FRMD6: variants seen among roughly 807,000 people sequenced by gnomAD.
FRMD6 encodes the protein FERM domain-containing protein 6.
Under a neutral mutation model 73.2 loss-of-function variants are expected in FRMD6, and 37 were observed. The ratio of observed to expected loss-of-function variants is 0.51; its 90% CI spans 0.39 to 0.66. The LOEUF (loss-of-function observed/expected upper bound fraction) is 0.66, where lower values mean the gene tolerates loss of function less well. Among genes scored for constraint, FRMD6 ranks in the 30% least tolerant of loss-of-function variants. The pLI, the probability that FRMD6 is intolerant of heterozygous loss-of-function variation, is 0.00. For synonymous variants in FRMD6, 273 were observed against 282.2 expected (o/e 0.97, Z 0.33); for missense variants, 714 against 780.5 (o/e 0.91, Z 1.02).
intron 1 of FRMD6, among the ~76,000 whole-genome samples, chr14:51,551,229 C>CAAG (rs1886812166): frequency 6.6e-6 from 1 of 152,214 alleles, no homozygotes; most frequent in African/African-American, 2.4e-5. Flanking sequence ...AAGGTTTATT[C>CAAG]TTGGGGCACT....
At chr14:51,434,244 T>C in the FRMD6 span, among the ~76,000 whole-genome samples, 99,715 of 151,966 alleles carry the variant, frequency 0.66, 32,959 homozygotes, top group African/African-American at 0.7. Flanking sequence ...ACACATATTT[T>C]CTATACCTCA....
chr14:51,667,060 G>A (rs796067944), intron 1 of FRMD6, among the ~76,000 whole-genome samples: 22 of 152,206 alleles, frequency 1.4e-4, no homozygotes, highest in African/African-American at 4.8e-4. Flanking sequence ...CTTGAGCCTG[G>A]AAGGTCAAGG....
chr14:51,720,620 C>A, intron 11 of FRMD6: 1 of 547,060 alleles, frequency 1.8e-6, no homozygotes, highest in Non-Finnish European at 3.3e-6. Context: ...GTTGTAGACT[C>A]AGTCTTAGCT....
At chr14:51,431,309 T>C in the FRMD6 span, among the ~76,000 whole-genome samples, 2 of 152,242 alleles carry the variant, frequency 1.3e-5, no homozygotes, top group African/African-American at 4.8e-5. Flanking sequence ...TCAGTCAGTA[T>C]TGAGTAATTT....
At chr14:51,685,387 C>G (rs1895082306) in intron 1 of FRMD6, among the ~76,000 whole-genome samples, 1 of 152,192 alleles carries the variant, frequency 6.6e-6, no homozygotes, top group Non-Finnish European at 1.5e-5. Flanking sequence ...GCCTATTTTT[C>G]TTCATAGTAC....
In FRMD6 at chr14:51,714,317, T is replaced by TA. The variant is rs59543066; in HGVS notation, c.850-998dup. 6.3e-3 allele frequency: 952 copies of TA among 150,182 alleles called. 5 individuals are homozygous for TA. Among genetic ancestry groups the TA allele is most frequent in the Non-Finnish European group, 9.4e-3 (635 of 67,414 alleles). 9.3% of individuals were successfully genotyped at this position (150,182 alleles called of 1,614,324 possible). Reference sequence around the variant, plus strand: ...TAAAATGAGGGAAATCTCAGAGATTTAAAAAAAAAACACCTCCACCTTATC... The same window carrying TA: ...TAAAATGAGGGAAATCTCAGAGATTTAAAAAAAAAAACACCTCCACCTTATC... On this transcript the variant is annotated intron_variant, in intron 9 of 13. Coordinates refer to ENST00000344768, the MANE Select transcript of FRMD6 (RefSeq NM_001267046.2).
chr14:51,577,870 C>T (rs573488671), intron 2 of FRMD6, among the ~76,000 whole-genome samples: 2 of 152,278 alleles, frequency 1.3e-5, no homozygotes, highest in East Asian at 3.9e-4. Flanking sequence ...ATACACGTGC[C>T]TTTGCTATTT....
intron 1 of FRMD6, among the ~76,000 whole-genome samples, chr14:51,492,219 C>T (rs1566774269): frequency 6.6e-6 from 1 of 152,070 alleles, no homozygotes; most frequent in African/African-American, 2.4e-5. Context: ...AAGAGTTCTC[C>T]TCTTGGGATG....
chr14:51,400,006 A>G, the FRMD6 span, among the ~76,000 whole-genome samples: 1 of 151,772 alleles, frequency 6.6e-6, no homozygotes, highest in African/African-American at 2.4e-5. Flanking sequence ...AAATAATTGT[A>G]TATATATATG....
At chr14:51,545,648 A>G (rs1330146915) in intron 1 of FRMD6, among the ~76,000 whole-genome samples, 1 of 152,090 alleles carries the variant, frequency 6.6e-6, no homozygotes, top group African/African-American at 2.4e-5. Flanking sequence ...GGATAAAATG[A>G]GTTAGTTTAT....
At chr14:51,452,815 A>G in the FRMD6 span, among the ~76,000 whole-genome samples, 7 of 152,320 alleles carry the variant, frequency 4.6e-5, no homozygotes, top group South Asian at 1.5e-3. Context: ...GTTAGAAGGC[A>G]TACGAGTAGA....
chr14:51,629,982 A>G (rs1020761990), intron 2 of FRMD6, among the ~76,000 whole-genome samples: 2 of 152,082 alleles, frequency 1.3e-5, no homozygotes, highest in Non-Finnish European at 2.9e-5. Flanking sequence ...GGGCCTTGCT[A>G]TGTTGCTTAG....
chr14:51,592,049 G>C (rs2139738323), intron 2 of FRMD6, among the ~76,000 whole-genome samples: 1 of 152,228 alleles, frequency 6.6e-6, no homozygotes, highest in African/African-American at 2.4e-5. Context: ...TAGGAAAAAA[G>C]TTACCATTAC....
intron 5 of FRMD6, among the ~76,000 whole-genome samples, chr14:51,703,939 C>T (rs1437737255): frequency 6.6e-6 from 1 of 151,994 alleles, no homozygotes; most frequent in Admixed American, 6.6e-5. Context: ...ATCCTATTTG[C>T]CAGTAAATAT....
rs542106517 is a variant in FRMD6 at position 51,720,124 on chromosome 14, G to T, written c.1094G>T (p.Arg365Leu). The T allele has an allele frequency of 1.7e-5, 28 of 1,613,660 alleles. No homozygotes were observed. The African/African-American group carries it at 3.5e-4, about 20-fold the overall frequency. The change falls in exon 11 of 14, where the codon CGG becomes CTG. Residue 365 changes from arginine (R) to leucine (L), a missense_variant. Coordinates refer to ENST00000344768, the MANE Select transcript of FRMD6 (RefSeq NM_001267046.2). The stretch of plus-strand genomic sequence containing the variant: ...CTCGACATGGACCAGCTGGAAAAAC[G>T]GTCGCGGGCCAGCGGGAGCAGTGCG... ...LDLDMDQLEK[R>L]SRASGSSAGS...
At chr14:51,432,469 C>T in the FRMD6 span, among the ~76,000 whole-genome samples, 2 of 152,104 alleles carry the variant, frequency 1.3e-5, no homozygotes, top group Non-Finnish European at 2.9e-5. Flanking sequence ...TAAGGTCAGT[C>T]CCCTGCTTTG....
At chr14:51,433,465 T>C in the FRMD6 span, among the ~76,000 whole-genome samples, 1 of 152,224 alleles carries the variant, frequency 6.6e-6, no homozygotes, top group Non-Finnish European at 1.5e-5. Context: ...TATACTATGC[T>C]TGATGTGAGA....
upstream of FRMD6, among the ~76,000 whole-genome samples, chr14:51,486,656 C>T (rs1192711844): frequency 2.0e-5 from 3 of 152,120 alleles, no homozygotes; most frequent in African/African-American, 7.2e-5. Flanking sequence ...CTGGTCAGTC[C>T]AGAGCTTTGC....
At chr14:51,593,457 A>G (rs1889519110) in intron 2 of FRMD6, among the ~76,000 whole-genome samples, 1 of 152,224 alleles carries the variant, frequency 6.6e-6, no homozygotes, top group Non-Finnish European at 1.5e-5. Context: ...CTTACTTGCC[A>G]GATTACTAAA....
Sources: gnomAD v4.1 joint callset for allele counts (sites outside exome capture counted in the v4.1 genomes callset) on GRCh38, gnomAD v4.1.1 for gene constraint, MANE v1.5 for transcripts, NCBI Gene and HGNC (gene_info 2026-07-23, HGNC 2026-07-21) for gene names.